VAV2: variants seen among roughly 807,000 people sequenced by gnomAD.
VAV2 encodes guanine nucleotide exchange factor VAV2.
In VAV2, 67 loss-of-function variants were observed where a neutral mutation model predicts 132.5. The observed-to-expected ratio is 0.51, with a 90% CI of 0.42 to 0.62. VAV2 has a LOEUF of 0.62. Among genes scored for constraint, VAV2 ranks in the 20% least tolerant of loss-of-function variants. VAV2 has a pLI of 0.00. For synonymous variants in VAV2, 492 were observed against 443.5 expected, an observed-to-expected ratio of 1.11 and a Z score of -1.37; for missense variants, 938 against 1,153.6, an observed-to-expected ratio of 0.81 and a Z score of 2.71.
At chr9:133,877,750 G>A (rs186515998) in intron 2 of VAV2, among the ~76,000 whole-genome samples, 20 of 152,268 alleles carry the variant, frequency 1.3e-4, no homozygotes, top group Admixed American at 7.8e-4. Flanking sequence ...GGGCTGATGG[G>A]TTTCCAGTGG....
At chr9:133,793,135 C>T (rs925904350) in intron 12 of VAV2, among the ~76,000 whole-genome samples, 1 of 152,130 alleles carries the variant, frequency 6.6e-6, no homozygotes, top group Non-Finnish European at 1.5e-5. Context: ...CCCACTCCGG[C>T]GCCTGCCTGC....
intron 9 of VAV2, among the ~76,000 whole-genome samples, chr9:133,799,421 G>A (rs1263346957): frequency 6.6e-6 from 1 of 152,180 alleles, no homozygotes. Flanking sequence ...TGGCATGCGA[G>A]GCTGACAGTC....
At chr9:133,989,648 G>A (rs796233582) in intron 1 of VAV2, among the ~76,000 whole-genome samples, 24 of 152,098 alleles carry the variant, frequency 1.6e-4, no homozygotes, top group African/African-American at 4.1e-4. Flanking sequence ...TTGCGCCACC[G>A]CACTCCAGCC....
Position 133,788,133 on chromosome 9 carries a change from TG to T in VAV2, c.1407+220del, listed in dbSNP as rs112835972. On this transcript the variant is annotated intron_variant, in intron 15 of 29. Transcript: ENST00000371850. This position sits in a 1 kb window ranked among gnomAD's most constrained non-coding sequence, Gnocchi z 5.3. ...TCTTGCCCACCTTTCTGGGGGGCGC[TG>T]GGCCCGGCGAGGAGCAGGCCTGCTA... Among the ~76,000 whole-genome samples the T allele has an allele frequency of 3.3e-5, 5 of 152,312 alleles. No homozygotes were observed. Among genetic ancestry groups the T allele is most frequent in the African/African-American group, 9.6e-5 (4 of 41,564 alleles).
At position 133,893,603 on chromosome 9, in the gene VAV2, C is replaced by A. The variant is rs138930576; in HGVS notation, c.322-32171G>T. 7.3e-3 allele frequency among the ~76,000 whole-genome samples: 1,118 copies of A among 152,320 alleles called. 23 individuals are homozygous for A. Among genetic ancestry groups the A allele is most frequent in the African/African-American group, 0.025 (1,057 of 41,566 alleles). Reference sequence around the variant, plus strand: ...AGCTCCAAAGGTCACCTTCAAGAAACGGAGTTTGCAGGAAGTCAACGGTGC... The same window carrying A: ...AGCTCCAAAGGTCACCTTCAAGAAAAGGAGTTTGCAGGAAGTCAACGGTGC... On this transcript the variant is annotated intron_variant, in intron 2 of 29. Transcript: ENST00000371850.
In VAV2 at chr9:133,785,834, A is replaced by C; in HGVS notation, c.1474T>G (p.Phe492Val). The C allele has an allele frequency of 6.2e-7, 1 of 1,614,024 alleles. No individual in the cohort carries two copies. The highest frequency in any genetic ancestry group is 1.1e-5 in the South Asian group (1 of 91,076). ...TTCATATCTTCTGTTTTGCAGAAAAACTGGAAGCCCTGCTTTCCTTGAAGG... is the reference window on the plus strand; with the variant it reads ...TTCATATCTTCTGTTTTGCAGAAAACCTGGAAGCCCTGCTTTCCTTGAAGG... ...IHLQGKQGFQ[F>V]FCKTEDMKRK... The change falls in exon 17 of 30, where the codon TTT (phenylalanine) becomes GTT (valine). Residue 492 changes from phenylalanine to valine, a missense_variant. Physicochemically the swap from Phe to Val is conservative, Grantham distance 50. Coordinates refer to ENST00000371850, the MANE Select transcript of VAV2 (RefSeq NM_001134398.2).
intron 4 of VAV2, among the ~76,000 whole-genome samples, chr9:133,813,403 C>T (rs1267116578): frequency 6.6e-6 from 1 of 152,256 alleles, no homozygotes; most frequent in African/African-American, 2.4e-5. Context: ...GCCACGGCCT[C>T]ATCCCAAACC....
chr9:133,802,323 T>TACACACACACACACACACAC lies in VAV2; in HGVS notation c.836+3738_836+3757dup, dbSNP rs58155949. Reference sequence around the variant, plus strand: ...GCACACAAACACACAAGCACGCGTGTACACACACACACACACACACACACA... The same window carrying TACACACACACACACACACAC: ...GCACACAAACACACAAGCACGCGTGTACACACACACACACACACACACACACACACACACACACACACACA... On this transcript the variant is annotated intron_variant, in intron 9 of 29. Transcript: ENST00000371850. The surrounding 1 kb of genome is among the most constrained non-coding windows in gnomAD (Gnocchi z 5.8). Among the ~76,000 whole-genome samples the TACACACACACACACACACAC allele has an allele frequency of 3.9e-4, 55 of 142,202 alleles. No homozygotes were observed. The highest frequency in any genetic ancestry group is 8.8e-4 in the African/African-American group (34 of 38,508). The allele number at this position is 142,202 out of a possible 152,430, so 93.3% of individuals were successfully genotyped here.
intron 1 of VAV2, among the ~76,000 whole-genome samples, chr9:133,978,485 C>T (rs1226250580): frequency 3.9e-5 from 6 of 152,264 alleles, no homozygotes; most frequent in Non-Finnish European, 8.8e-5. Flanking sequence ...TGGCGGGTCA[C>T]GGAAAGATAC....
At position 133,935,187 on chromosome 9, in the gene VAV2, C is replaced by T. The variant is rs924727510; in HGVS notation, c.321+3916G>A. On this transcript the variant is annotated intron_variant, in intron 2 of 29. Transcript: ENST00000371850. This position sits in a 1 kb window ranked among gnomAD's most constrained non-coding sequence, Gnocchi z 5.2. ...ATGGTCTGAGGTTGCTGGAGGCCGC[C>T]GAGCTCATTTGGAATGGCCAGGGCG... 2.0e-4 allele frequency among the ~76,000 whole-genome samples: 31 copies of T among 152,160 alleles called. No homozygotes were observed. The highest frequency in any genetic ancestry group is 3.2e-3 in the Middle Eastern group (1 of 316).
intron 2 of VAV2, among the ~76,000 whole-genome samples, chr9:133,874,886 C>G (rs114065928): frequency 6.6e-6 from 1 of 152,286 alleles, no homozygotes; most frequent in Admixed American, 6.5e-5. Context: ...TGGAGCCAGG[C>G]GCTGTGCATG....
At chr9:133,934,476 G>A (rs1840831511) in intron 2 of VAV2, among the ~76,000 whole-genome samples, 2 of 152,204 alleles carry the variant, frequency 1.3e-5, no homozygotes, top group Admixed American at 1.3e-4. Flanking sequence ...AGCAGGTGAG[G>A]AGATGCCCTT....
chr9:133,907,202 GC>G (rs1326866487), intron 2 of VAV2, among the ~76,000 whole-genome samples: 2 of 152,218 alleles, frequency 1.3e-5, no homozygotes, highest in Non-Finnish European at 2.9e-5. Context: ...GACACATGCG[GC>G]CCCAGCACCT....
chr9:133,801,834 G>T (rs1469259759), intron 9 of VAV2, among the ~76,000 whole-genome samples: 1 of 152,104 alleles, frequency 6.6e-6, no homozygotes, highest in Non-Finnish European at 1.5e-5. Context: ...AGGAACACCC[G>T]GGGCCTCCAG....
chr9:133,806,115 T>G lies in VAV2; in HGVS notation c.802A>C (p.Thr268Pro), dbSNP rs773720874. Residue 268 changes from threonine (T) to proline (P), a missense_variant, in exon 9 of 30, where the codon ACG (threonine) becomes CCG (proline). Coordinates refer to ENST00000371850, the MANE Select transcript of VAV2 (RefSeq NM_001134398.2). The stretch of plus-strand genomic sequence containing the variant: ...AAATCGAGGAAGACCTTGGCCAGCG[T>G]GCTGCCCCCCACCATCACGGACACG... ...IDVSVMVGGS[T>P]LAKVFLDFKE... 6.2e-7 allele frequency: 1 copy of G among 1,613,056 alleles called. No homozygotes were observed. Among genetic ancestry groups the G allele is most frequent in the African/African-American group, 1.3e-5 (1 of 75,044 alleles).
chr9:133,881,170 T>G (rs938901224), intron 2 of VAV2, among the ~76,000 whole-genome samples: 2 of 152,178 alleles, frequency 1.3e-5, no homozygotes, highest in Non-Finnish European at 2.9e-5. Flanking sequence ...GCTGCTGGGC[T>G]TCCCACCATA....
chr9:133,770,963 A>C (rs981865222), intron 26 of VAV2, among the ~76,000 whole-genome samples: 1 of 151,712 alleles, frequency 6.6e-6, no homozygotes, highest in African/African-American at 2.4e-5. Flanking sequence ...TAGAAACCAG[A>C]CCCAAGCTGT....
intron 3 of VAV2, among the ~76,000 whole-genome samples, chr9:133,847,376 CGG>C (rs949647396): frequency 3.9e-5 from 6 of 152,230 alleles, no homozygotes; most frequent in African/African-American, 1.4e-4. Flanking sequence ...GCCCCACCTC[CGG>C]GAGGGCTGAA....
chr9:133,865,555 T>C (rs538923560), intron 2 of VAV2, among the ~76,000 whole-genome samples: 1 of 152,358 alleles, frequency 6.6e-6, no homozygotes, highest in Non-Finnish European at 1.5e-5. Flanking sequence ...AGAATTTCTA[T>C]TTAGTTCTTT....
Sources: gnomAD v4.1 joint callset for allele counts (sites outside exome capture counted in the v4.1 genomes callset) on GRCh38, gnomAD v4.1.1 for gene constraint, Gnocchi (gnomAD v3.1) non-coding constraint, MANE v1.5 for transcripts, NCBI Gene and HGNC (gene_info 2026-07-23, HGNC 2026-07-21) for gene names.